Variants in GAB1 observed in about 807,000 individuals in gnomAD.
GAB1 encodes GRB2-associated-binding protein 1.
In GAB1, 19 loss-of-function variants were observed where a neutral mutation model predicts 66.5. The ratio of observed to expected loss-of-function variants is 0.29; its 90% CI spans 0.20 to 0.42. GAB1 has a LOEUF of 0.42. Ranked by LOEUF, GAB1 falls within the 10% of genes least tolerant of loss-of-function variation. The pLI, the probability that GAB1 is intolerant of heterozygous loss-of-function variation, is 1.00. For synonymous variants in GAB1, 294 were observed against 301.4 expected (o/e 0.98, Z 0.25); for missense variants, 732 against 858.5 (o/e 0.85, Z 1.84).
intron 6 of GAB1, among the ~76,000 whole-genome samples, chr4:143,449,684 C>A (rs1053118905): frequency 6.6e-6 from 1 of 152,120 alleles, no homozygotes; most frequent in African/African-American, 2.4e-5. Flanking sequence ...CTGTGTGTGT[C>A]TCTGCATGTG....
intron 1 of GAB1, among the ~76,000 whole-genome samples, chr4:143,340,557 C>T (rs1728792341): frequency 6.6e-6 from 1 of 152,242 alleles, no homozygotes; most frequent in South Asian, 2.1e-4. Context: ...GTCACCCAGA[C>T]TGGAGTGCAG....
chr4:143,429,337 C>T (rs1733533886), intron 2 of GAB1, among the ~76,000 whole-genome samples: 1 of 152,212 alleles, frequency 6.6e-6, no homozygotes, highest in African/African-American at 2.4e-5. Context: ...CTCCTGACCA[C>T]AAGTGATCTG....
At chr4:143,383,779 A>G (rs967864061) in intron 1 of GAB1, among the ~76,000 whole-genome samples, 2 of 152,212 alleles carry the variant, frequency 1.3e-5, no homozygotes, top group African/African-American at 4.8e-5. Flanking sequence ...AAGAAGTTCA[A>G]GATATGCCAA....
At chr4:143,386,633 C>G (rs147539640) in intron 1 of GAB1, among the ~76,000 whole-genome samples, 75 of 152,308 alleles carry the variant, frequency 4.9e-4, no homozygotes, top group African/African-American at 1.7e-3. Context: ...AGCAATCCAT[C>G]TACCTCACCT....
intron 2 of GAB1, among the ~76,000 whole-genome samples, 166 bp downstream of exon 2, chr4:143,415,937 G>C (rs1035947355): frequency 6.6e-6 from 1 of 152,044 alleles, no homozygotes. Context: ...AGTTTGGGGA[G>C]AAGCTGTTTA....
At chr4:143,368,018 G>C (rs1323534046) in intron 1 of GAB1, among the ~76,000 whole-genome samples, 1 of 152,054 alleles carries the variant, frequency 6.6e-6, no homozygotes, top group Admixed American at 6.5e-5. Context: ...AGCCACTGCT[G>C]CTCGGCCAGG....
chr4:143,339,015 C>G (rs955138543), intron 1 of GAB1, among the ~76,000 whole-genome samples: 1 of 151,962 alleles, frequency 6.6e-6, no homozygotes, highest in African/African-American at 2.4e-5. Context: ...GAACTATTAA[C>G]CAGGAAAGAA....
chr4:143,457,174 TAA>T (rs951718398), intron 6 of GAB1, among the ~76,000 whole-genome samples: 2 of 152,156 alleles, frequency 1.3e-5, no homozygotes, highest in Non-Finnish European at 2.9e-5. Flanking sequence ...AGGAATAGAT[TAA>T]GGTTTTAAAA....
At chr4:143,373,079 A>G (rs1274543657) in intron 1 of GAB1, among the ~76,000 whole-genome samples, 1 of 149,290 alleles carries the variant, frequency 6.7e-6, no homozygotes, top group African/African-American at 2.5e-5. Context: ...ACACACACAC[A>G]TCTGTGTTAC....
In GAB1 at chr4:143,447,002, T is replaced by C. The variant is rs548879873; in HGVS notation, c.1585+6620T>C. Among the ~76,000 whole-genome samples the C allele has an allele frequency of 8.0e-3, 1,215 of 152,286 alleles. 5 individuals are homozygous for C. Among genetic ancestry groups the C allele is most frequent in the Non-Finnish European group, 0.011 (736 of 68,020 alleles). ...TGTAAGGAAGGGATCCAGTTTCAGC[T>C]TTCTACATGTGGCTAGCCAGTTTTC... On this transcript the variant is annotated intron_variant, in intron 6 of 9. Coordinates refer to ENST00000262994, the MANE Select transcript of GAB1 (RefSeq NM_002039.4).
intron 9 of GAB1, among the ~76,000 whole-genome samples, chr4:143,466,670 A>G (rs1735809269): frequency 6.6e-6 from 1 of 151,386 alleles, no homozygotes; most frequent in Admixed American, 6.6e-5. Context: ...TTGTATTTTT[A>G]GTAGAGACAC....
At chr4:143,446,925 T>C (rs1734586757) in intron 6 of GAB1, among the ~76,000 whole-genome samples, 1 of 151,808 alleles carries the variant, frequency 6.6e-6, no homozygotes, top group Non-Finnish European at 1.5e-5. Context: ...TTTATGGTTT[T>C]AGGTCTAACG....
intron 1 of GAB1, among the ~76,000 whole-genome samples, chr4:143,350,458 A>G (rs1581215565): frequency 6.6e-6 from 1 of 152,100 alleles, no homozygotes; most frequent in South Asian, 2.1e-4. Context: ...CGGGCACATC[A>G]CCTGAGTTCG....
At chr4:143,449,053 T>C (rs1036737477) in intron 6 of GAB1, among the ~76,000 whole-genome samples, 1 of 151,412 alleles carries the variant, frequency 6.6e-6, no homozygotes, top group East Asian at 1.9e-4. Context: ...ATGTACCCAG[T>C]AGTCATTCAG....
intron 2 of GAB1, among the ~76,000 whole-genome samples, chr4:143,423,219 C>T (rs928497710): frequency 6.6e-6 from 1 of 152,198 alleles, no homozygotes; most frequent in Non-Finnish European, 1.5e-5. Context: ...AAGACTACAA[C>T]TTTGAAGATA....
At chr4:143,416,618 A>G (rs1732705864) in intron 2 of GAB1, among the ~76,000 whole-genome samples, 1 of 152,060 alleles carries the variant, frequency 6.6e-6, no homozygotes, top group African/African-American at 2.4e-5. Context: ...TACTAAAAAT[A>G]CAAAAATTAT....
chr4:143,434,135 T>A (rs1231111793), intron 3 of GAB1: 1 of 1,290,922 alleles, frequency 7.7e-7, no homozygotes, highest in Non-Finnish European at 1.0e-6. Context: ...TACCTTCTAC[T>A]AGAAGATTTT....
chr4:143,358,398 T>C (rs1270032613), intron 1 of GAB1, among the ~76,000 whole-genome samples: 1 of 152,166 alleles, frequency 6.6e-6, no homozygotes, highest in Admixed American at 6.5e-5. Context: ...TGTTTCGGTA[T>C]TTTTCTTTTT....
chr4:143,384,349 G>T (rs1283693297), intron 1 of GAB1, among the ~76,000 whole-genome samples: 1 of 152,244 alleles, frequency 6.6e-6, no homozygotes, highest in East Asian at 1.9e-4. Flanking sequence ...CATTAAAAAA[G>T]TGAAATAATT....
Sources: gnomAD v4.1 joint callset for allele counts (sites outside exome capture counted in the v4.1 genomes callset) on GRCh38, gnomAD v4.1.1 for gene constraint, MANE v1.5 for transcripts, NCBI Gene and HGNC (gene_info 2026-07-23, HGNC 2026-07-21) for gene names.